The following GPHN variants were observed in gnomAD, a reference collection of about 807,000 sequenced individuals.
GPHN encodes the protein gephyrin.
GPHN carries 17 observed loss-of-function variants against 95.5 expected under a neutral mutation model. That is an observed-to-expected ratio of 0.18 (90% CI 0.12 to 0.27). The LOEUF (loss-of-function observed/expected upper bound fraction) is 0.27, where lower values mean the gene tolerates loss of function less well. Among genes scored for constraint, GPHN ranks in the 10% least tolerant of loss-of-function variants. The pLI is 1.00. For missense variants in GPHN, 660 were observed against 978.1 expected, an observed-to-expected ratio of 0.67 and a Z score of 4.34; for synonymous variants, 320 against 322.5, an observed-to-expected ratio of 0.99 and a Z score of 0.08.
intron 5 of GPHN, among the ~76,000 whole-genome samples, chr14:66,901,391 C>A (rs1350062851): frequency 6.6e-6 from 1 of 151,842 alleles, no homozygotes; most frequent in Non-Finnish European, 1.5e-5. Context: ...TTTGTATAAC[C>A]CCATTTGTCT....
chr14:67,000,637 T>C (rs1395635632), intron 9 of GPHN, among the ~76,000 whole-genome samples: 1 of 151,698 alleles, frequency 6.6e-6, no homozygotes, highest in Non-Finnish European at 1.5e-5. Flanking sequence ...TTCTATCTTT[T>C]GAAAACACTA....
At chr14:67,463,456 G>A in the GPHN span, among the ~76,000 whole-genome samples, 16 of 151,978 alleles carry the variant, frequency 1.1e-4, no homozygotes, top group African/African-American at 3.6e-4. Flanking sequence ...TGACTAACAC[G>A]ATGAAACCTT....
the GPHN span, among the ~76,000 whole-genome samples, chr14:67,622,565 C>A: frequency 6.6e-6 from 1 of 152,192 alleles, no homozygotes; most frequent in Non-Finnish European, 1.5e-5. Context: ...AAGATTTAGT[C>A]TTCTTTTAAT....
At chr14:67,025,472 T>G (rs1384525368) in intron 10 of GPHN, among the ~76,000 whole-genome samples, 1 of 152,062 alleles carries the variant, frequency 6.6e-6, no homozygotes, top group Non-Finnish European at 1.5e-5. Flanking sequence ...TTAGTGAGAG[T>G]CTTGCTATGG....
chr14:66,713,130 T>A (rs2069821964), intron 2 of GPHN, among the ~76,000 whole-genome samples: 1 of 152,210 alleles, frequency 6.6e-6, no homozygotes, highest in South Asian at 2.1e-4. Flanking sequence ...GACTGTTCCT[T>A]TTGCCATGCA....
chr14:66,882,972 C>G (rs542562998), intron 5 of GPHN, among the ~76,000 whole-genome samples: 5 of 151,604 alleles, frequency 3.3e-5, no homozygotes, highest in Admixed American at 3.3e-4. Context: ...GCAAATTTCT[C>G]TGGCTGCTTT....
chr14:67,387,457 C>G, the GPHN span: 1 of 1,599,702 alleles, frequency 6.3e-7, no homozygotes, highest in Non-Finnish European at 8.5e-7. Context: ...CCTTTAACCC[C>G]TAGGCAGAAA....
At chr14:67,312,416 A>T in the GPHN span, 2 of 750,938 alleles carry the variant, frequency 2.7e-6, no homozygotes, top group Non-Finnish European at 3.9e-6. Context: ...TGTCTCTATT[A>T]AATTTTTTTA....
chr14:67,638,634 T>C, the GPHN span, among the ~76,000 whole-genome samples: 91 of 152,288 alleles, frequency 6.0e-4, no homozygotes, highest in African/African-American at 2.2e-3. Context: ...GAGTTCGTTC[T>C]TCCTGAATAT....
the GPHN span, among the ~76,000 whole-genome samples, chr14:67,622,603 GTT>G: frequency 6.6e-6 from 1 of 152,220 alleles, no homozygotes; most frequent in Non-Finnish European, 1.5e-5. Flanking sequence ...ATGGGAGGAA[GTT>G]TTTATTCCCG....
intron 11 of GPHN, among the ~76,000 whole-genome samples, chr14:67,062,985 A>C (rs1212024553): frequency 6.6e-6 from 1 of 152,182 alleles, no homozygotes; most frequent in Non-Finnish European, 1.5e-5. Context: ...TTAGTCATGA[A>C]GTCCTTGCCC....
the GPHN span, chr14:67,199,907 C>T: frequency 2.0e-6 from 3 of 1,477,898 alleles, no homozygotes; most frequent in Non-Finnish European, 2.7e-6. Context: ...ACCCCAGGGG[C>T]AGGACATCCT....
At chr14:67,089,410 T>A (rs139620720) in intron 12 of GPHN, among the ~76,000 whole-genome samples, 453 of 152,222 alleles carry the variant, frequency 3.0e-3, no homozygotes, top group African/African-American at 0.011. Flanking sequence ...GATACAGGCA[T>A]ACAATGCATA....
chr14:67,009,784 T>C (rs530655542), intron 9 of GPHN, among the ~76,000 whole-genome samples: 1 of 152,184 alleles, frequency 6.6e-6, no homozygotes, highest in African/African-American at 2.4e-5. Flanking sequence ...GTTTCTCTTT[T>C]TGTTTTTTTA....
At chr14:67,614,777 AAT>A in the GPHN span, among the ~76,000 whole-genome samples, 1 of 152,000 alleles carries the variant, frequency 6.6e-6, no homozygotes, top group Non-Finnish European at 1.5e-5. Flanking sequence ...AACCAAAGAT[AAT>A]ATAGACTCCA....
At chr14:67,162,921 C>G (rs1047903482) in intron 19 of GPHN, among the ~76,000 whole-genome samples, 3 of 152,168 alleles carry the variant, frequency 2.0e-5, no homozygotes, top group Admixed American at 2.0e-4. Flanking sequence ...ATCTCAGTTT[C>G]CATATAAACT....
At chr14:67,410,072 G>A in the GPHN span, among the ~76,000 whole-genome samples, 2 of 151,972 alleles carry the variant, frequency 1.3e-5, no homozygotes, top group Non-Finnish European at 2.9e-5. Flanking sequence ...AAGGGCTTAC[G>A]GGGACCAGAT....
At chr14:66,603,667 C>T (rs574952306) in intron 1 of GPHN, among the ~76,000 whole-genome samples, 68 of 151,942 alleles carry the variant, frequency 4.5e-4, no homozygotes, top group African/African-American at 1.6e-3. Flanking sequence ...AACTATACTT[C>T]TGTTTTATCT....
chr14:67,616,469 C>G, the GPHN span: 1 of 148,734 alleles, frequency 6.7e-6, no homozygotes, highest in East Asian at 2.1e-4. Flanking sequence ...TAACTGAATA[C>G]TCTGTAATTG....
Sources: gnomAD v4.1 joint callset for allele counts (sites outside exome capture counted in the v4.1 genomes callset) on GRCh38, gnomAD v4.1.1 for gene constraint, MANE v1.5 for transcripts, NCBI Gene and HGNC (gene_info 2026-07-23, HGNC 2026-07-21) for gene names.